The following SGCG variants were observed in gnomAD, a reference collection of about 807,000 sequenced individuals.
SGCG encodes the protein sarcoglycan gamma.
SGCG carries 26 observed loss-of-function variants against 29.3 expected under a neutral mutation model. The observed-to-expected ratio is 0.89, with a 90% CI of 0.65 to 1.23. SGCG has a LOEUF of 1.23. SGCG is among the 50% of genes most tolerant of loss of function. The probability of loss-of-function intolerance (pLI) is 0.00; values close to 1 mark genes in which losing one functional copy is unlikely to be tolerated. For synonymous variants in SGCG, 145 were observed against 129.7 expected, an observed-to-expected ratio of 1.12 and a Z score of -0.80; for missense variants, 353 against 356.0, an observed-to-expected ratio of 0.99 and a Z score of 0.07.
intron 4 of SGCG, among the ~76,000 whole-genome samples, chr13:23,262,720 C>T (rs1245160218): frequency 6.6e-6 from 1 of 151,990 alleles, no homozygotes; most frequent in Non-Finnish European, 1.5e-5. Context: ...CCCATCAGCA[C>T]ATGAAACATT....
intron 2 of SGCG, among the ~76,000 whole-genome samples, chr13:23,204,468 G>A (rs1267075650): frequency 6.6e-6 from 1 of 152,110 alleles, no homozygotes. Flanking sequence ...GCTAAATGTA[G>A]AATGTCTTAA....
rs1173208021 is a variant in SGCG, at chr13:23,299,427, TATATATATATATATATATATATATA to T, written c.578+3941_578+3965del. Among the ~76,000 whole-genome samples, 4 of 13,536 alleles carry T rather than the reference TATATATATATATATATATATATATA, an allele frequency of 3.0e-4. 2 individuals are homozygous for T. The highest frequency in any genetic ancestry group is 4.2e-4 in the African/African-American group (2 of 4,818). The allele number at this position is 13,536 out of a possible 152,430, so 8.9% of individuals were successfully genotyped here. A position where few individuals can be genotyped will look rare whatever the true frequency, so the allele number is the denominator to read the frequency against. Reference sequence around the variant, plus strand: ...GTTGGCATATATATATATATATATATATATATATATATATATATATATATATATATTTTTTTTTTTTTTTTAGTCG... The same window carrying T: ...GTTGGCATATATATATATATATATATTATATTTTTTTTTTTTTTTTAGTCG... On this transcript the variant is annotated intron_variant, in intron 6 of 7. Coordinates refer to ENST00000218867, the MANE Select transcript of SGCG (RefSeq NM_000231.3).
At chr13:23,282,386 G>A (rs1881340688) in intron 5 of SGCG, among the ~76,000 whole-genome samples, 1 of 152,114 alleles carries the variant, frequency 6.6e-6, no homozygotes, top group Non-Finnish European at 1.5e-5. Flanking sequence ...TGTTATATAG[G>A]TAACTTGTGT....
At chr13:23,223,858 C>T (rs112706358) in intron 2 of SGCG, among the ~76,000 whole-genome samples, 8 of 152,028 alleles carry the variant, frequency 5.3e-5, no homozygotes, top group African/African-American at 1.9e-4. Flanking sequence ...CCCAGCTACT[C>T]GGGAGGCTGA....
intron 3 of SGCG, chr13:23,244,998 C>T (rs1469779921): frequency 1.3e-5 from 2 of 152,036 alleles, no homozygotes; most frequent in Non-Finnish European, 2.9e-5. Flanking sequence ...GGACAGAGGC[C>T]CCAAAGGCCT....
chr13:23,301,545 G>T (rs1480925866), intron 6 of SGCG, among the ~76,000 whole-genome samples: 1 of 152,122 alleles, frequency 6.6e-6, no homozygotes, highest in African/African-American at 2.4e-5. Context: ...TAGGCATCGC[G>T]ATATTAATAG....
intron 4 of SGCG, among the ~76,000 whole-genome samples, chr13:23,257,457 G>C (rs1880240633): frequency 6.6e-6 from 1 of 152,100 alleles, no homozygotes; most frequent in African/African-American, 2.4e-5. Context: ...CTGTAAATCA[G>C]ATGAGTAGAC....
intron 3 of SGCG, among the ~76,000 whole-genome samples, chr13:23,236,405 T>C (rs577905262): frequency 7.9e-5 from 12 of 152,150 alleles, no homozygotes; most frequent in Middle Eastern, 3.4e-3. Context: ...TGGCCAGGCG[T>C]GGTGGCTCAC....
At chr13:23,184,866 G>C (rs917625145) in intron 1 of SGCG, among the ~76,000 whole-genome samples, 20 of 152,282 alleles carry the variant, frequency 1.3e-4, no homozygotes, top group Non-Finnish European at 1.2e-4. Flanking sequence ...CCTGATGTGA[G>C]ATAGTGTCAA....
Position 23,320,634 on chromosome 13 carries a change from CAGATT to C in SGCG, c.580_584del (p.Leu194IlefsTer24), listed in dbSNP as rs1185360439. ...TTTTTTGTGCTTCTTTTCCTCATCTCAGATTAGAATCCCCCACTCGGAGTCTAAGC... is the reference window on the plus strand; with the variant it reads ...TTTTTTGTGCTTCTTTTCCTCATCTCAGAATCCCCCACTCGGAGTCTAAGC... On this transcript the variant is annotated splice_acceptor_variant and coding_sequence_variant, in exon 7 of 8. Coordinates refer to ENST00000218867, the MANE Select transcript of SGCG (RefSeq NM_000231.3). LOFTEE classifies it high-confidence loss of function. 7.2e-7 allele frequency: 1 copy of C among 1,382,476 alleles called. No individual in the cohort carries two copies. Among genetic ancestry groups the C allele is most frequent in the South Asian group, 1.2e-5 (1 of 82,664 alleles). 85.6% of individuals were successfully genotyped at this position (1,382,476 alleles called of 1,614,324 possible).
chr13:23,234,087 G>A (rs188362100), intron 2 of SGCG, among the ~76,000 whole-genome samples: 37 of 152,316 alleles, frequency 2.4e-4, no homozygotes, highest in African/African-American at 8.4e-4. Flanking sequence ...CTCCTTGAGA[G>A]CAGGCACCTT....
At chr13:23,201,031 G>A (rs1052476817) in intron 1 of SGCG, among the ~76,000 whole-genome samples, 3 of 152,130 alleles carry the variant, frequency 2.0e-5, no homozygotes, top group African/African-American at 7.2e-5. Flanking sequence ...GGCATGAGCC[G>A]ATGCATGTTT....
intron 6 of SGCG, among the ~76,000 whole-genome samples, chr13:23,300,988 C>T (rs1367853702): frequency 3.3e-5 from 5 of 152,038 alleles, no homozygotes; most frequent in Non-Finnish European, 5.9e-5. Context: ...TGGTGGCAGG[C>T]ACCTGTAGTT....
chr13:23,234,583 C>G, intron 2 of SGCG, 28 bp from the exon 3 acceptor site: 1 of 1,400,436 alleles, frequency 7.1e-7, no homozygotes, highest in Non-Finnish European at 1.0e-6. Flanking sequence ...TAAAAATATA[C>G]GCATTGTCTC....
At chr13:23,290,427 G>A (rs914763240) in intron 5 of SGCG, among the ~76,000 whole-genome samples, 3 of 152,130 alleles carry the variant, frequency 2.0e-5, no homozygotes, top group South Asian at 2.1e-4. Flanking sequence ...GGGATATTAC[G>A]ATAATCGTTT....
At chr13:23,321,222 A>C (rs1371532223) in intron 7 of SGCG, among the ~76,000 whole-genome samples, 1 of 152,088 alleles carries the variant, frequency 6.6e-6, no homozygotes, top group Non-Finnish European at 1.5e-5. Flanking sequence ...TGTTTTTTTC[A>C]AAGTCAACTA....
chr13:23,166,424 G>C, the SGCG span, among the ~76,000 whole-genome samples: 2 of 152,092 alleles, frequency 1.3e-5, no homozygotes, highest in South Asian at 4.2e-4. Flanking sequence ...TCAATCTCTT[G>C]ACCTCGTGAT....
At chr13:23,194,154 C>A (rs559606854) in intron 1 of SGCG, among the ~76,000 whole-genome samples, 2 of 152,290 alleles carry the variant, frequency 1.3e-5, no homozygotes, top group East Asian at 1.9e-4. Flanking sequence ...GGCAAAATAA[C>A]TTCTGGAAAT....
intron 6 of SGCG, among the ~76,000 whole-genome samples, chr13:23,296,076 T>C (rs1331817023): frequency 1.3e-5 from 2 of 152,278 alleles, no homozygotes; most frequent in East Asian, 3.8e-4. Flanking sequence ...ATGATTCATA[T>C]ATTTTACAAA....
Sources: gnomAD v4.1 joint callset for allele counts (sites outside exome capture counted in the v4.1 genomes callset) on GRCh38, gnomAD v4.1.1 for gene constraint, MANE v1.5 for transcripts, NCBI Gene and HGNC (gene_info 2026-07-23, HGNC 2026-07-21) for gene names.